The following FOXP1 variants were observed in gnomAD, a reference collection of about 807,000 sequenced individuals.
FOXP1 encodes forkhead box P1.
A neutral mutation model predicts 98.2 loss-of-function variants in FOXP1; 15 were observed. The ratio of observed to expected loss-of-function variants is 0.15; its 90% CI spans 0.10 to 0.24. FOXP1 has a LOEUF of 0.24. FOXP1 is among the 10% of genes least tolerant of loss of function. FOXP1 has a pLI of 1.00. For missense variants in FOXP1, 633 were observed against 848.5 expected (o/e 0.75, Z 3.15); for synonymous variants, 371 against 314.5 (o/e 1.18, Z -1.90).
intron 6 of FOXP1, among the ~76,000 whole-genome samples, chr3:71,197,548 G>A (rs1031868235): frequency 4.6e-5 from 7 of 152,150 alleles, no homozygotes; most frequent in Admixed American, 4.6e-4. Context: ...CCCAACTTAT[G>A]TACATTTTGG....
chr3:70,973,332 G>A (rs1011628611), intron 17 of FOXP1, among the ~76,000 whole-genome samples: 1 of 143,952 alleles, frequency 6.9e-6, no homozygotes, highest in Non-Finnish European at 1.5e-5. Flanking sequence ...CTATCGGCAA[G>A]TATTTTAACT....
At chr3:70,996,155 T>A (rs1346407000) in intron 13 of FOXP1, among the ~76,000 whole-genome samples, 2 of 152,106 alleles carry the variant, frequency 1.3e-5, no homozygotes, top group Non-Finnish European at 2.9e-5. Flanking sequence ...CCTGGCTAAT[T>A]TTGTGTTTTT....
chr3:71,502,668 T>C (rs1467493230), intron 2 of FOXP1, among the ~76,000 whole-genome samples: 1 of 152,198 alleles, frequency 6.6e-6, no homozygotes, highest in Non-Finnish European at 1.5e-5. Context: ...ATTATATTCA[T>C]AATGATGATG....
At chr3:71,321,971 G>C (rs957108850) in intron 4 of FOXP1, among the ~76,000 whole-genome samples, 1 of 152,184 alleles carries the variant, frequency 6.6e-6, no homozygotes, top group Non-Finnish European at 1.5e-5. Flanking sequence ...TAACTTTGCT[G>C]ATCTTCACTT....
intron 6 of FOXP1, among the ~76,000 whole-genome samples, chr3:71,156,427 G>T (rs569240216): frequency 1.3e-3 from 196 of 152,276 alleles, no homozygotes; most frequent in Admixed American, 2.4e-3. Flanking sequence ...AGCAGCATTT[G>T]TGCTTCAATG....
intron 3 of FOXP1, among the ~76,000 whole-genome samples, chr3:71,424,507 C>A (rs2083944234): frequency 6.6e-6 from 1 of 152,144 alleles, no homozygotes; most frequent in Admixed American, 6.5e-5. Context: ...ATATTTCCAC[C>A]ACACCACACC....
Position 71,458,567 on chromosome 3 carries a change from T to C in FOXP1, c.-168+34859A>G, listed in dbSNP as rs562684142. On this transcript the variant is annotated intron_variant, in intron 3 of 20. Transcript: ENST00000649528. ...TGCCTTTTTACTCTGATTTGCAAAA[T>C]AGGTATGTGAGCAAAATAACAGAAT... Among the ~76,000 whole-genome samples, 51 of 152,354 alleles carry C rather than the reference T, an allele frequency of 3.3e-4. No homozygotes were observed. In the South Asian group the frequency reaches 6.4e-3, roughly 19 times the overall value.
chr3:71,215,771 G>A (rs907370877), intron 5 of FOXP1, among the ~76,000 whole-genome samples: 2 of 152,160 alleles, frequency 1.3e-5, no homozygotes, highest in African/African-American at 2.4e-5. Context: ...AACTTTCTGG[G>A]TTATTGTTAA....
intron 3 of FOXP1, among the ~76,000 whole-genome samples, chr3:71,480,109 T>C (rs2090157337): frequency 6.6e-6 from 1 of 152,142 alleles, no homozygotes; most frequent in Admixed American, 6.5e-5. Context: ...CGCAGAAGAA[T>C]TGGTTGACCC....
chr3:71,374,018 C>T (rs1164141103), intron 3 of FOXP1, among the ~76,000 whole-genome samples: 1 of 152,180 alleles, frequency 6.6e-6, no homozygotes, highest in Admixed American at 6.5e-5. Context: ...AATACCACTG[C>T]AATGTGTGTA....
intron 12 of FOXP1, among the ~76,000 whole-genome samples, chr3:71,007,554 G>A (rs1268545098): frequency 6.6e-6 from 1 of 152,164 alleles, no homozygotes; most frequent in African/African-American, 2.4e-5. Flanking sequence ...AGTGCTTAAG[G>A]GGCTGAAAGT....
intron 7 of FOXP1, among the ~76,000 whole-genome samples, chr3:71,081,165 G>T (rs1187422695): frequency 6.6e-6 from 1 of 152,200 alleles, no homozygotes; most frequent in Admixed American, 6.5e-5. Context: ...AGCAGAACTT[G>T]ACTTTCCTCA....
intron 5 of FOXP1, among the ~76,000 whole-genome samples, chr3:71,290,584 T>C (rs1375830804): frequency 6.6e-6 from 1 of 152,044 alleles, no homozygotes; most frequent in East Asian, 1.9e-4. Flanking sequence ...AAAGCATGAG[T>C]GAGATCTTGC....
At chr3:71,186,076 T>G (rs1050985417) in intron 6 of FOXP1, among the ~76,000 whole-genome samples, 1 of 152,238 alleles carries the variant, frequency 6.6e-6, no homozygotes, top group Admixed American at 6.5e-5. Flanking sequence ...TACTAAATTA[T>G]GAAATCTTTG....
rs2031532680 is a variant in FOXP1 at position 70,955,423 on chromosome 3, T to C, written c.*3824A>G. On this transcript the variant is annotated 3_prime_UTR_variant, in exon 21 of 21. Transcript: ENST00000649528. The stretch of plus-strand genomic sequence containing the variant: ...GGTCCAAGGGGCAGCCTAACTCATC[T>C]TACAAGACGGACTCTAGGGACAGGT... The C allele has an allele frequency of 4.3e-6, 1 of 232,966 alleles. No individual in the cohort carries two copies. Among genetic ancestry groups the C allele is most frequent in the East Asian group, 6.0e-5 (1 of 16,538 alleles). The allele number at this position is 232,966 out of a possible 1,614,324, so 14.4% of individuals were successfully genotyped here.
chr3:71,283,697 A>G (rs991809734), intron 5 of FOXP1, among the ~76,000 whole-genome samples: 2 of 152,178 alleles, frequency 1.3e-5, no homozygotes, highest in African/African-American at 4.8e-5. Flanking sequence ...ACTGAGATTG[A>G]TCCACCCAAT....
At chr3:71,221,877 G>A (rs2065416512) in intron 5 of FOXP1, among the ~76,000 whole-genome samples, 2 of 152,188 alleles carry the variant, frequency 1.3e-5, no homozygotes, top group African/African-American at 2.4e-5. Context: ...TCCTTCGTCC[G>A]GGTGCAGTGG....
chr3:71,305,275 T>C (rs377450575), intron 4 of FOXP1, among the ~76,000 whole-genome samples: 1 of 152,308 alleles, frequency 6.6e-6, no homozygotes. Flanking sequence ...GATGCCATTA[T>C]GCACACTGAG....
intron 2 of FOXP1, among the ~76,000 whole-genome samples, chr3:71,510,588 C>T (rs2042134893): frequency 6.6e-6 from 1 of 152,210 alleles, no homozygotes; most frequent in African/African-American, 2.4e-5. Flanking sequence ...AGGCTTCCCC[C>T]TAGACACTTA....
Sources: gnomAD v4.1 joint callset for allele counts (sites outside exome capture counted in the v4.1 genomes callset) on GRCh38, gnomAD v4.1.1 for gene constraint, MANE v1.5 for transcripts, NCBI Gene and HGNC (gene_info 2026-07-23, HGNC 2026-07-21) for gene names.